The following KHDRBS2 variants were observed in gnomAD, a reference collection of about 807,000 sequenced individuals.
KHDRBS2 encodes KH RNA binding domain containing, signal transduction associated 2, also known as KH domain-containing, RNA-binding, signal transduction-associated protein 2.
Under a neutral mutation model 44.3 loss-of-function variants are expected in KHDRBS2, and 26 were observed. The observed-to-expected ratio is 0.59, with a 90% CI of 0.43 to 0.81. The LOEUF (loss-of-function observed/expected upper bound fraction) is 0.81. KHDRBS2 is among the 40% of genes least tolerant of loss of function. The pLI is 0.00. For missense variants in KHDRBS2, 476 were observed against 433.1 expected (o/e 1.10, Z -0.88); for synonymous variants, 194 against 151.1 (o/e 1.28, Z -2.08).
the KHDRBS2 span, among the ~76,000 whole-genome samples, chr6:61,587,364 T>TCTCTCA: frequency 4.0e-5 from 1 of 25,102 alleles, no homozygotes; most frequent in African/African-American, 1.6e-4. Flanking sequence ...CTTTTTTTTA[T>TCTCTCA]CTCTCTCTCT....
At chr6:61,602,333 C>T in the KHDRBS2 span, among the ~76,000 whole-genome samples, 2 of 152,148 alleles carry the variant, frequency 1.3e-5, no homozygotes, top group South Asian at 2.1e-4. Flanking sequence ...ACCGCAGTGG[C>T]CAGGCATTCC....
intron 6 of KHDRBS2, among the ~76,000 whole-genome samples, chr6:61,743,578 T>A (rs1268801579): frequency 6.6e-6 from 1 of 152,146 alleles, no homozygotes; most frequent in Admixed American, 6.6e-5. Flanking sequence ...TTGGGGTTAA[T>A]AATTTTGTAT....
intron 1 of KHDRBS2, among the ~76,000 whole-genome samples, chr6:62,217,651 T>C (rs1830244695): frequency 6.6e-6 from 1 of 151,872 alleles, no homozygotes; most frequent in Admixed American, 6.6e-5. Flanking sequence ...AATGATCAAC[T>C]GATGTCTTGA....
intron 7 of KHDRBS2, among the ~76,000 whole-genome samples, chr6:61,699,077 T>C (rs1177811851): frequency 2.0e-5 from 3 of 152,118 alleles, no homozygotes; most frequent in Non-Finnish European, 4.4e-5. Context: ...TATAGAAAAT[T>C]GGTCTCTCAT....
intron 4 of KHDRBS2, among the ~76,000 whole-genome samples, chr6:61,904,306 T>G (rs1804581113): frequency 6.6e-6 from 1 of 152,174 alleles, no homozygotes; most frequent in Non-Finnish European, 1.5e-5. Context: ...GGAGTTCAGC[T>G]CCTAGACAGA....
intron 4 of KHDRBS2, among the ~76,000 whole-genome samples, chr6:61,967,676 C>G (rs1405585627): frequency 6.6e-6 from 1 of 151,732 alleles, no homozygotes; most frequent in African/African-American, 2.4e-5. Context: ...AATAAGCACA[C>G]AGAGAGAGGT....
At chr6:62,118,278 T>C (rs1168029907) in intron 2 of KHDRBS2, among the ~76,000 whole-genome samples, 1 of 152,244 alleles carries the variant, frequency 6.6e-6, no homozygotes, top group East Asian at 1.9e-4. Flanking sequence ...GCAAATGCCA[T>C]GCTGTTTTAG....
intron 1 of KHDRBS2, among the ~76,000 whole-genome samples, chr6:62,230,835 CTTTA>C (rs1832779500): frequency 6.6e-6 from 1 of 152,088 alleles, no homozygotes; most frequent in Admixed American, 6.5e-5. Flanking sequence ...AGCTTTATTA[CTTTA>C]TTTTTTACTT....
Position 62,255,605 on chromosome 6 carries a change from AACACACACACACACACACAC to A in KHDRBS2, c.91+30233_91+30252del, listed in dbSNP as rs60498757. On this transcript the variant is annotated intron_variant, in intron 1 of 8. Transcript: ENST00000281156. ...TTTACCCTCATTCCTCATGCTTTAA[AACACACACACACACACACAC>A]ACACACACACACACACACACACACA... is the stretch of plus-strand genomic sequence containing the variant. Among the ~76,000 whole-genome samples, 1,375 of 137,504 alleles carry A rather than the reference AACACACACACACACACACAC, an allele frequency of 1.0e-2. 14 individuals carry two copies. Among genetic ancestry groups the A allele is most frequent in the Middle Eastern group, 0.026 (7 of 274 alleles). 90.2% of individuals were successfully genotyped at this position (137,504 alleles called of 152,430 possible). A position where few individuals can be genotyped will look rare whatever the true frequency, so the allele number is the denominator to read the frequency against.
At chr6:61,953,835 G>A (rs548098612) in intron 4 of KHDRBS2, among the ~76,000 whole-genome samples, 107 of 152,272 alleles carry the variant, frequency 7.0e-4, no homozygotes, top group African/African-American at 2.4e-3. Context: ...GAAAGAGTGA[G>A]GGGAAGGGCA....
chr6:61,792,632 T>C (rs1319489378), intron 6 of KHDRBS2, among the ~76,000 whole-genome samples: 1 of 151,818 alleles, frequency 6.6e-6, no homozygotes, highest in African/African-American at 2.4e-5. Context: ...CTTACTTTCA[T>C]TGTTGCTGCT....
intron 6 of KHDRBS2, among the ~76,000 whole-genome samples, chr6:61,885,962 C>T (rs1211381820): frequency 1.3e-5 from 2 of 152,082 alleles, no homozygotes; most frequent in Non-Finnish European, 2.9e-5. Flanking sequence ...CTCCCAAATG[C>T]ATTTGCCATC....
At chr6:62,116,530 A>T (rs1486584428) in intron 2 of KHDRBS2, among the ~76,000 whole-genome samples, 1 of 152,176 alleles carries the variant, frequency 6.6e-6, no homozygotes, top group Non-Finnish European at 1.5e-5. Flanking sequence ...ATATTTTGAT[A>T]TATGTATATA....
At chr6:61,649,116 T>C in the KHDRBS2 span, among the ~76,000 whole-genome samples, 1 of 151,894 alleles carries the variant, frequency 6.6e-6, no homozygotes, top group Non-Finnish European at 1.5e-5. Context: ...TAGCTAAGGG[T>C]CAGGGTCACC....
At chr6:61,828,557 A>T (rs1791295913) in intron 6 of KHDRBS2, among the ~76,000 whole-genome samples, 1 of 152,202 alleles carries the variant, frequency 6.6e-6, no homozygotes, top group Non-Finnish European at 1.5e-5. Context: ...CCAGTGAGTA[A>T]GTCATTAAAA....
At chr6:62,053,479 T>A (rs1789549516) in intron 2 of KHDRBS2, among the ~76,000 whole-genome samples, 1 of 152,032 alleles carries the variant, frequency 6.6e-6, no homozygotes, top group African/African-American at 2.4e-5. Context: ...ATTTTAAGAT[T>A]TATAACCTCT....
At chr6:61,590,246 G>A in the KHDRBS2 span, among the ~76,000 whole-genome samples, 1 of 152,122 alleles carries the variant, frequency 6.6e-6, no homozygotes, top group Non-Finnish European at 1.5e-5. Flanking sequence ...GCACTTTTAT[G>A]ATGCAGAATT....
intron 1 of KHDRBS2, among the ~76,000 whole-genome samples, chr6:62,275,817 T>A (rs1234703815): frequency 1.3e-5 from 2 of 152,176 alleles, no homozygotes; most frequent in Non-Finnish European, 2.9e-5. Flanking sequence ...TATTGCTTTT[T>A]AAAAAATCCA....
intron 4 of KHDRBS2, among the ~76,000 whole-genome samples, chr6:61,976,179 C>G (rs1772610953): frequency 6.6e-6 from 1 of 152,122 alleles, no homozygotes; most frequent in Non-Finnish European, 1.5e-5. Flanking sequence ...ATTTTATCCC[C>G]TGCACCACTC....
Sources: gnomAD v4.1 joint callset for allele counts (sites outside exome capture counted in the v4.1 genomes callset) on GRCh38, gnomAD v4.1.1 for gene constraint, MANE v1.5 for transcripts, NCBI Gene and HGNC (gene_info 2026-07-23, HGNC 2026-07-21) for gene names.